RPTOR: variants seen among roughly 807,000 people sequenced by gnomAD.
The protein encoded by RPTOR is regulatory-associated protein of mTOR.
Under a neutral mutation model 169.9 loss-of-function variants are expected in RPTOR, and 21 were observed. That is an observed-to-expected ratio of 0.12 (90% confidence interval 0.09 to 0.18). The LOEUF (loss-of-function observed/expected upper bound fraction) is 0.18, where lower values mean the gene tolerates loss of function less well. Among genes scored for constraint, RPTOR ranks in the 10% least tolerant of loss-of-function variants. RPTOR has a pLI of 1.00. For missense variants in RPTOR, 1,133 were observed against 1,855.9 expected (o/e 0.61, Z 7.16); for synonymous variants, 732 against 753.2 (o/e 0.97, Z 0.46).
At position 80,721,560 on chromosome 17, in the gene RPTOR, G is replaced by A. The variant is rs951949250; in HGVS notation, c.508-9000G>A. Among the ~76,000 whole-genome samples the A allele has an allele frequency of 6.6e-6, 1 of 151,376 alleles. No homozygotes were observed. Among genetic ancestry groups the A allele is most frequent in the Non-Finnish European group, 1.5e-5 (1 of 68,036 alleles). ...CGTCAGGGCGCTGCAGTTTGCAGGA[G>A]CATCCTTTGGGCTCTTACCTCAGTC... On this transcript the variant is annotated intron_variant, in intron 4 of 33. Coordinates refer to ENST00000306801, the MANE Select transcript of RPTOR (RefSeq NM_020761.3). This position sits in a 1 kb window ranked among gnomAD's most constrained non-coding sequence, Gnocchi z 4.7.
intron 7 of RPTOR, among the ~76,000 whole-genome samples, chr17:80,794,832 CT>C (rs1471949132): frequency 2.0e-5 from 3 of 152,188 alleles, no homozygotes; most frequent in African/African-American, 7.2e-5. Context: ...GTCCGATTCC[CT>C]TTCTGTGACC....
At chr17:80,926,764 G>A (rs974258625) in intron 24 of RPTOR, among the ~76,000 whole-genome samples, 4 of 152,200 alleles carry the variant, frequency 2.6e-5, no homozygotes, top group Middle Eastern at 3.2e-3. Flanking sequence ...TGCATACGAC[G>A]GAGACCAGCA....
chr17:80,632,477 G>T (rs946916920), intron 2 of RPTOR, among the ~76,000 whole-genome samples: 6 of 152,182 alleles, frequency 3.9e-5, no homozygotes, highest in Non-Finnish European at 8.8e-5. Flanking sequence ...CAATGTTAAT[G>T]AGAATGGAAA....
At chr17:80,907,187 A>G (rs1250855177) in intron 20 of RPTOR, among the ~76,000 whole-genome samples, 2 of 152,190 alleles carry the variant, frequency 1.3e-5, no homozygotes, top group Admixed American at 1.3e-4. Flanking sequence ...TTCACCAACA[A>G]TCAGGTGGAC....
At chr17:80,679,692 A>T (rs1429062546) in intron 3 of RPTOR, among the ~76,000 whole-genome samples, 1 of 152,282 alleles carries the variant, frequency 6.6e-6, no homozygotes, top group Non-Finnish European at 1.5e-5. Context: ...TAAATAGTTT[A>T]TAGCTGTAAG....
At chr17:80,826,399 C>T (rs957460265) in intron 9 of RPTOR, among the ~76,000 whole-genome samples, 5 of 152,336 alleles carry the variant, frequency 3.3e-5, no homozygotes, top group African/African-American at 9.6e-5. Flanking sequence ...GTGCAGAGCT[C>T]GTCACCAGGC....
rs568418336 is a variant in RPTOR, at chr17:80,947,931, G to A, written c.3265+580G>A. On this transcript the variant is annotated intron_variant, in intron 27 of 33. Coordinates refer to ENST00000306801, the MANE Select transcript of RPTOR (RefSeq NM_020761.3). The surrounding 1 kb of genome is among the most constrained non-coding windows in gnomAD (Gnocchi z 4.4). ...TTCGGGGGGTTTTTTGGAGGGGTCC[G>A]AAATGTCTTAGTTTCATCTTCACTT... Among the ~76,000 whole-genome samples the A allele has an allele frequency of 3.9e-4, 59 of 152,310 alleles. No homozygotes were observed. The highest frequency in any genetic ancestry group is 1.3e-3 in the African/African-American group (52 of 41,572).
At chr17:80,555,355 C>A (rs1439976373) in intron 1 of RPTOR, among the ~76,000 whole-genome samples, 3 of 152,216 alleles carry the variant, frequency 2.0e-5, no homozygotes, top group Non-Finnish European at 4.4e-5. Flanking sequence ...GGCCACCTAG[C>A]CCTCCATCAG....
intron 3 of RPTOR, among the ~76,000 whole-genome samples, chr17:80,655,829 G>T (rs2065675395): frequency 6.6e-6 from 1 of 152,218 alleles, no homozygotes. Context: ...AGCCGTTCCT[G>T]CTTGTCATAT....
At chr17:80,946,888 C>T (rs1437434625) in intron 26 of RPTOR, among the ~76,000 whole-genome samples, 1 of 152,230 alleles carries the variant, frequency 6.6e-6, no homozygotes, top group African/African-American at 2.4e-5. Context: ...TTCGGAGGAA[C>T]CACCAGGCTG....
chr17:80,806,307 T>C (rs1598318562), intron 7 of RPTOR, among the ~76,000 whole-genome samples: 2 of 152,372 alleles, frequency 1.3e-5, no homozygotes, highest in East Asian at 3.9e-4. Flanking sequence ...TTAGTGGCTA[T>C]GAAACCAGTT....
intron 6 of RPTOR, chr17:80,774,333 T>C (rs781758084): frequency 9.5e-5 from 94 of 985,312 alleles, no homozygotes; most frequent in Non-Finnish European, 1.1e-4. Flanking sequence ...TCATGTAAGC[T>C]GTTGAGTATG....
Position 80,883,942 on chromosome 17 carries a change from C to T in RPTOR, c.1812C>T (p.Leu604=). 6.2e-7 allele frequency: 1 copy of T among 1,612,842 alleles called. No homozygotes were observed. The highest frequency in any genetic ancestry group is 8.5e-7 in the Non-Finnish European group (1 of 1,179,668). ...CGVRDSAHEK[L]YSLLSDPIPE... ...TGAGGGACAGCGCTCATGAGAAGCTCTACAGCCTCCTCTCCGACCCCATTC... is the reference window on the plus strand; with the variant it reads ...TGAGGGACAGCGCTCATGAGAAGCTTTACAGCCTCCTCTCCGACCCCATTC... The change falls in exon 16 of 34, where the codon CTC becomes CTT. Residue 604 remains leucine (L), a synonymous_variant. Transcript: ENST00000306801.
intron 6 of RPTOR, among the ~76,000 whole-genome samples, chr17:80,769,615 G>A (rs746819887): frequency 7.2e-5 from 11 of 152,150 alleles, no homozygotes; most frequent in Non-Finnish European, 1.3e-4. Flanking sequence ...GACAGAGGAG[G>A]GAGTAGGGAT....
At chr17:80,938,256 G>A (rs750099599) in intron 24 of RPTOR, among the ~76,000 whole-genome samples, 13 of 152,260 alleles carry the variant, frequency 8.5e-5, no homozygotes, top group East Asian at 1.9e-4. Context: ...CTCTGAAGCC[G>A]CCCCATTTCT....
chr17:80,919,265 C>G (rs1397330699), intron 21 of RPTOR, among the ~76,000 whole-genome samples: 1 of 152,220 alleles, frequency 6.6e-6, no homozygotes, highest in Non-Finnish European at 1.5e-5. Flanking sequence ...GCAGCACACG[C>G]TTTTGCAGGG....
intron 3 of RPTOR, among the ~76,000 whole-genome samples, chr17:80,681,934 T>A (rs2065902022): frequency 6.6e-6 from 1 of 152,160 alleles, no homozygotes; most frequent in East Asian, 1.9e-4. Context: ...ATTCTCTCGG[T>A]GTATTAGAAT....
chr17:80,853,152 G>A (rs1023612567), intron 11 of RPTOR, among the ~76,000 whole-genome samples: 5 of 152,020 alleles, frequency 3.3e-5, no homozygotes, highest in African/African-American at 2.4e-5. Flanking sequence ...GCTTAACGTC[G>A]GCTGGTGGCT....
intron 4 of RPTOR, among the ~76,000 whole-genome samples, chr17:80,713,922 A>T (rs2066217889): frequency 6.6e-6 from 1 of 152,186 alleles, no homozygotes; most frequent in African/African-American, 2.4e-5. Context: ...GTTAAAAATT[A>T]TAGACAAAAT....
Sources: allele counts gnomAD v4.1 joint callset (sites outside exome capture counted in the v4.1 genomes callset), GRCh38; gene constraint gnomAD v4.1.1; non-coding constraint Gnocchi (gnomAD v3.1); transcripts MANE v1.5; gene names NCBI Gene and HGNC (gene_info 2026-07-23, HGNC 2026-07-21).